EBF1: variants seen among roughly 807,000 people sequenced by gnomAD.
EBF1 encodes the protein EBF transcription factor 1.
Under a neutral mutation model 68.4 loss-of-function variants are expected in EBF1, and 10 were observed. The ratio of observed to expected loss-of-function variants is 0.15; its 90% confidence interval spans 0.09 to 0.25. The LOEUF (loss-of-function observed/expected upper bound fraction) is 0.25. EBF1 is among the 10% of genes least tolerant of loss of function. EBF1 has a pLI of 1.00. For synonymous variants in EBF1, 298 were observed against 299.8 expected, an observed-to-expected ratio of 0.99 and a Z score of 0.06; for missense variants, 509 against 794.4, an observed-to-expected ratio of 0.64 and a Z score of 4.32.
chr5:158,767,855 C>T (rs554234798), intron 10 of EBF1, among the ~76,000 whole-genome samples: 1 of 152,132 alleles, frequency 6.6e-6, no homozygotes, highest in East Asian at 1.9e-4. Flanking sequence ...AGAGAGGGGC[C>T]TACATTTACC....
intron 8 of EBF1, among the ~76,000 whole-genome samples, chr5:158,802,087 C>A (rs1344468781): frequency 6.6e-6 from 1 of 152,074 alleles, no homozygotes; most frequent in Non-Finnish European, 1.5e-5. Flanking sequence ...GGTGCCTGCC[C>A]ATTGAGGTGA....
chr5:158,794,709 A>G (rs1326860679), intron 9 of EBF1, among the ~76,000 whole-genome samples: 2 of 152,208 alleles, frequency 1.3e-5, no homozygotes, highest in Non-Finnish European at 2.9e-5. Flanking sequence ...AACAGAAAGA[A>G]AGATGGAAAA....
intron 6 of EBF1, among the ~76,000 whole-genome samples, chr5:158,876,789 C>T (rs769550892): frequency 6.6e-6 from 1 of 152,128 alleles, no homozygotes; most frequent in Non-Finnish European, 1.5e-5. Context: ...CTTTGATAGC[C>T]CCCTTTCGAT....
intron 6 of EBF1, among the ~76,000 whole-genome samples, chr5:158,858,375 C>G (rs547241460): frequency 6.6e-6 from 1 of 152,204 alleles, no homozygotes; most frequent in South Asian, 2.1e-4. Flanking sequence ...GAATGGTAAA[C>G]ACACACACAC....
At chr5:158,903,614 G>T (rs943772747) in intron 6 of EBF1, among the ~76,000 whole-genome samples, 1 of 151,972 alleles carries the variant, frequency 6.6e-6, no homozygotes, top group Admixed American at 6.6e-5. Flanking sequence ...AAAAAAAAAC[G>T]CAGTCTGCTA....
At chr5:158,824,599 C>T (rs1399300892) in intron 7 of EBF1, among the ~76,000 whole-genome samples, 7 of 152,200 alleles carry the variant, frequency 4.6e-5, no homozygotes, top group African/African-American at 1.2e-4. Flanking sequence ...AGAGGTGAAC[C>T]GCTTTACAAG....
chr5:158,794,660 TATA>T (rs996940982), intron 9 of EBF1, among the ~76,000 whole-genome samples: 2 of 152,166 alleles, frequency 1.3e-5, no homozygotes, highest in Non-Finnish European at 2.9e-5. Context: ...GAGTCCGTAT[TATA>T]TTTACTCTTC....
chr5:158,712,635 G>A (rs1446047517), intron 13 of EBF1, among the ~76,000 whole-genome samples: 1 of 152,126 alleles, frequency 6.6e-6, no homozygotes. Context: ...ATGTACCCTG[G>A]AGTTAACAGG....
chr5:158,922,628 G>A (rs1462217201), intron 6 of EBF1, among the ~76,000 whole-genome samples: 1 of 152,092 alleles, frequency 6.6e-6, no homozygotes, highest in Admixed American at 6.6e-5. Flanking sequence ...GTAGATTTAC[G>A]GAAAGTTAAG....
intron 6 of EBF1, among the ~76,000 whole-genome samples, chr5:158,881,691 C>G (rs1798938418): frequency 6.6e-6 from 1 of 152,162 alleles, no homozygotes; most frequent in African/African-American, 2.4e-5. Context: ...TAAATAGCAC[C>G]AAACCTTGCT....
At chr5:158,870,675 C>T (rs769231851) in intron 6 of EBF1, among the ~76,000 whole-genome samples, 2 of 151,986 alleles carry the variant, frequency 1.3e-5, no homozygotes, top group Non-Finnish European at 2.9e-5. Flanking sequence ...GACCCTGTCT[C>T]AAAAAGAAAA....
At chr5:158,873,598 A>T (rs1307438434) in intron 6 of EBF1, among the ~76,000 whole-genome samples, 1 of 152,260 alleles carries the variant, frequency 6.6e-6, no homozygotes, top group Non-Finnish European at 1.5e-5. Flanking sequence ...AGAAAGCAAC[A>T]TAATTAAAAG....
intron 10 of EBF1, among the ~76,000 whole-genome samples, chr5:158,762,770 C>T (rs1040212155): frequency 3.3e-5 from 5 of 152,218 alleles, no homozygotes; most frequent in Admixed American, 2.0e-4. Context: ...CTCCTGACCT[C>T]GTGATCCGCC....
chr5:158,931,049 A>G (rs1480804356), intron 6 of EBF1, among the ~76,000 whole-genome samples: 1 of 152,220 alleles, frequency 6.6e-6, no homozygotes, highest in African/African-American at 2.4e-5. Flanking sequence ...TGATTTTCTT[A>G]CGATGGAAAT....
chr5:158,704,353 A>C (rs1757407352), intron 15 of EBF1, among the ~76,000 whole-genome samples: 1 of 152,208 alleles, frequency 6.6e-6, no homozygotes, highest in Admixed American at 6.5e-5. Flanking sequence ...GGCTTTAAAA[A>C]ACAGAACCAT....
intron 6 of EBF1, among the ~76,000 whole-genome samples, chr5:158,998,251 G>T (rs1761840352): frequency 1.3e-5 from 2 of 152,064 alleles, no homozygotes; most frequent in Admixed American, 1.3e-4. Context: ...ATGTGTGATT[G>T]CAGAATGAAC....
At chr5:159,042,692 T>TA (rs1299966591) in intron 6 of EBF1, among the ~76,000 whole-genome samples, 14 of 151,758 alleles carry the variant, frequency 9.2e-5, no homozygotes, top group South Asian at 2.1e-4. Context: ...TTCAGTTACT[T>TA]AAAAAAAATC....
intron 8 of EBF1, among the ~76,000 whole-genome samples, chr5:158,810,387 C>T (rs1002319058): frequency 6.6e-6 from 1 of 152,176 alleles, no homozygotes; most frequent in Admixed American, 6.5e-5. Context: ...GTACCAACTA[C>T]GTTCATTTTA....
At chr5:158,787,018 A>G (rs531057774) in intron 9 of EBF1, among the ~76,000 whole-genome samples, 2 of 152,278 alleles carry the variant, frequency 1.3e-5, no homozygotes. Context: ...ATACATTGAT[A>G]CTAGCACATG....
Sources: gnomAD v4.1 joint callset for allele counts (sites outside exome capture counted in the v4.1 genomes callset) on GRCh38, gnomAD v4.1.1 for gene constraint, MANE v1.5 for transcripts, NCBI Gene and HGNC (gene_info 2026-07-23, HGNC 2026-07-21) for gene names.